Variants in ROBO1 observed in about 807,000 individuals in gnomAD.
ROBO1 encodes the protein roundabout homolog 1.
A neutral mutation model predicts 195.9 loss-of-function variants in ROBO1; 149 were observed. The ratio of observed to expected loss-of-function variants is 0.76; its 90% CI spans 0.67 to 0.87. The LOEUF is 0.87. Ranked by LOEUF, ROBO1 falls within the 40% of genes least tolerant of loss-of-function variation. The pLI, the probability that ROBO1 is intolerant of heterozygous loss-of-function variation, is 0.00. For synonymous variants in ROBO1, 816 were observed against 733.2 expected (o/e 1.11, Z -1.82); for missense variants, 1,933 against 2,068.3 (o/e 0.93, Z 1.27).
intron 5 of ROBO1, among the ~76,000 whole-genome samples, chr3:78,743,534 C>A (rs1203231599): frequency 6.6e-6 from 1 of 152,118 alleles, no homozygotes; most frequent in African/African-American, 2.4e-5. Flanking sequence ...TTGGTGATTG[C>A]AGTCTCCTGT....
intron 4 of ROBO1, among the ~76,000 whole-genome samples, chr3:78,840,716 T>C (rs966480256): frequency 6.6e-6 from 1 of 152,132 alleles, no homozygotes; most frequent in Non-Finnish European, 1.5e-5. Flanking sequence ...ATTTATGCTG[T>C]TGCAAACAGA....
intron 2 of ROBO1, among the ~76,000 whole-genome samples, chr3:79,413,522 T>G (rs2037868484): frequency 1.3e-5 from 2 of 152,124 alleles, no homozygotes; most frequent in Admixed American, 1.3e-4. Context: ...TAGACTTCAG[T>G]TGAATGTTAC....
intron 4 of ROBO1, among the ~76,000 whole-genome samples, chr3:78,766,312 C>T (rs2083226596): frequency 6.6e-6 from 1 of 152,124 alleles, no homozygotes. Flanking sequence ...AGAAGCAATT[C>T]TTCCTAGAAG....
At chr3:79,402,965 C>T (rs1254084421) in intron 2 of ROBO1, among the ~76,000 whole-genome samples, 1 of 151,862 alleles carries the variant, frequency 6.6e-6, no homozygotes, top group African/African-American at 2.4e-5. Flanking sequence ...TCCCCACAAA[C>T]TTTTTTCAGT....
intron 2 of ROBO1, among the ~76,000 whole-genome samples, chr3:79,340,143 C>T (rs1363598145): frequency 6.6e-6 from 1 of 152,140 alleles, no homozygotes; most frequent in East Asian, 1.9e-4. Flanking sequence ...CCAAGTTATG[C>T]CAATCTGCTG....
At chr3:79,599,816 A>G (rs575462541) in intron 1 of ROBO1, among the ~76,000 whole-genome samples, 1 of 152,148 alleles carries the variant, frequency 6.6e-6, no homozygotes, top group African/African-American at 2.4e-5. Context: ...GCATTCCTAT[A>G]TTAGTAGAAT....
chr3:78,700,024 T>C (rs2081385546), intron 8 of ROBO1, among the ~76,000 whole-genome samples: 1 of 152,228 alleles, frequency 6.6e-6, no homozygotes, highest in African/African-American at 2.4e-5. Flanking sequence ...TTGTATGTTT[T>C]ATGTTGCTCC....
At chr3:79,084,354 C>A (rs576903299) in intron 3 of ROBO1, among the ~76,000 whole-genome samples, 2 of 151,990 alleles carry the variant, frequency 1.3e-5, no homozygotes, top group African/African-American at 4.8e-5. Flanking sequence ...CAAAATTAGC[C>A]GGGCTTGGTG....
intron 8 of ROBO1, among the ~76,000 whole-genome samples, chr3:78,697,709 A>G (rs376539151): frequency 5.3e-5 from 8 of 152,308 alleles, no homozygotes; most frequent in African/African-American, 1.9e-4. Context: ...AGAGAAATTG[A>G]ATCTTAAAGT....
chr3:78,711,348 C>CTTTCTTCCTTCCTTCCTTCCTTCCTTCCT (rs1428531321), intron 8 of ROBO1, among the ~76,000 whole-genome samples: 1 of 54,702 alleles, frequency 1.8e-5, no homozygotes, highest in Non-Finnish European at 3.2e-5. Flanking sequence ...TCCTTCCTTC[C>CTTTCTTCCTTCCTTCCTTCCTTCCTTCCT]TCCTTCCTTC....
intron 1 of ROBO1, among the ~76,000 whole-genome samples, chr3:79,730,967 C>T (rs973160615): frequency 2.6e-5 from 4 of 151,750 alleles, no homozygotes; most frequent in Middle Eastern, 3.4e-3. Context: ...TTAGTAGAGA[C>T]GGGGTTTCAC....
At chr3:79,647,648 A>G (rs1267260624) in intron 1 of ROBO1, among the ~76,000 whole-genome samples, 1 of 152,060 alleles carries the variant, frequency 6.6e-6, no homozygotes, top group African/African-American at 2.4e-5. Flanking sequence ...TTCTACCCCC[A>G]CCACTAAACA....
chr3:79,553,133 A>C (rs140507939), intron 2 of ROBO1, among the ~76,000 whole-genome samples: 2 of 152,144 alleles, frequency 1.3e-5, no homozygotes, highest in East Asian at 3.9e-4. Flanking sequence ...TCACATTTGC[A>C]TGCATTCAAG....
At chr3:78,727,280 T>G (rs1157716784) in intron 5 of ROBO1, among the ~76,000 whole-genome samples, 1 of 152,110 alleles carries the variant, frequency 6.6e-6, no homozygotes, top group Non-Finnish European at 1.5e-5. Flanking sequence ...TCTTATTTTA[T>G]AATATTTCCT....
At chr3:79,033,964 A>G (rs2078339487) in intron 3 of ROBO1, among the ~76,000 whole-genome samples, 2 of 152,102 alleles carry the variant, frequency 1.3e-5, no homozygotes, top group East Asian at 1.9e-4. Flanking sequence ...ATTTTTCACT[A>G]TGGCTTCCCT....
intron 2 of ROBO1, among the ~76,000 whole-genome samples, chr3:79,269,201 T>A (rs1168407974): frequency 6.6e-6 from 1 of 151,738 alleles, no homozygotes; most frequent in Non-Finnish European, 1.5e-5. Context: ...GAGGATATGA[T>A]ATTACGAAAA....
At chr3:79,100,017 G>A (rs1175536337) in intron 3 of ROBO1, among the ~76,000 whole-genome samples, 1 of 151,646 alleles carries the variant, frequency 6.6e-6, no homozygotes, top group East Asian at 1.9e-4. Flanking sequence ...GGGTTAGCGG[G>A]GAAAGAAATA....
At chr3:79,195,734 T>C (rs1337617319) in intron 2 of ROBO1, among the ~76,000 whole-genome samples, 5 of 151,520 alleles carry the variant, frequency 3.3e-5, no homozygotes, top group South Asian at 2.1e-4. Context: ...AACTATTGTA[T>C]TGAGAATTTA....
At chr3:79,194,146 G>T (rs2081589408) in intron 2 of ROBO1, among the ~76,000 whole-genome samples, 1 of 151,638 alleles carries the variant, frequency 6.6e-6, no homozygotes, top group Admixed American at 6.6e-5. Flanking sequence ...AAATAAAATT[G>T]TCTCCATGGA....
Sources: gnomAD v4.1 joint callset for allele counts (sites outside exome capture counted in the v4.1 genomes callset) on GRCh38, gnomAD v4.1.1 for gene constraint, MANE v1.5 for transcripts, NCBI Gene and HGNC (gene_info 2026-07-23, HGNC 2026-07-21) for gene names.